Variants in ZNF143 observed in about 807,000 individuals in gnomAD.
The protein encoded by ZNF143 is zinc finger protein 143, also known as SPH-binding factor.
A neutral mutation model predicts 74.1 loss-of-function variants in ZNF143; 49 were observed. The ratio of observed to expected loss-of-function variants is 0.66; its 90% confidence interval spans 0.53 to 0.84. ZNF143 has a LOEUF of 0.84. ZNF143 is among the 40% of genes least tolerant of loss of function. The pLI is 0.00. For missense variants in ZNF143, 637 were observed against 793.4 expected (o/e 0.80, Z 2.37); for synonymous variants, 304 against 282.8 (o/e 1.07, Z -0.75).
intron 12 of ZNF143, 29 bp from the exon 13 acceptor site, chr11:9,512,419 C>G: frequency 6.3e-7 from 1 of 1,592,812 alleles, no homozygotes; most frequent in Non-Finnish European, 8.6e-7. Context: ...GTTGGTTGGT[C>G]AAATAAATGA....
At chr11:9,514,935 C>T (rs1051089854) in intron 13 of ZNF143, among the ~76,000 whole-genome samples, 1 of 152,142 alleles carries the variant, frequency 6.6e-6, no homozygotes, top group Non-Finnish European at 1.5e-5. Context: ...TTGAGACCAG[C>T]CTGACCAACA....
At position 9,500,119 on chromosome 11, in the gene ZNF143, A is replaced by T. The variant is rs1022584723; in HGVS notation, c.968-972A>T. ...CCACTACACCCAGCTAATTTTTTGA[A>T]TTTTTTTTGTAGAGACGGGGTTTCG... On this transcript the variant is annotated intron_variant, in intron 10 of 15. Coordinates refer to ENST00000396602, the MANE Select transcript of ZNF143 (RefSeq NM_003442.6). Among the ~76,000 whole-genome samples, 6 of 151,336 alleles carry T rather than the reference A, an allele frequency of 4.0e-5. No individual in the cohort carries two copies. In the East Asian group the frequency reaches 1.2e-3, roughly 30 times the overall value.
In ZNF143 at chr11:9,471,170, T is replaced by A. The variant is rs1856543755; in HGVS notation, c.-7-132T>A. 6 of 690,280 alleles carry A rather than the reference T, an allele frequency of 8.7e-6. 1 individual carries two copies. The highest frequency in any genetic ancestry group is 4.7e-6 in the Non-Finnish European group (2 of 427,276). The allele number at this position is 690,280 out of a possible 1,614,324, so 42.8% of individuals were successfully genotyped here. A position where few individuals can be genotyped will look rare whatever the true frequency, so the allele number is the denominator to read the frequency against. On this transcript the variant is annotated intron_variant, in intron 1 of 15. Coordinates refer to ENST00000396602, the MANE Select transcript of ZNF143 (RefSeq NM_003442.6). ...TGGGCTAATACTCTTACCCTACATA[T>A]TGAGTGAAATTTCATCTTATTTCCA...
Position 9,472,828 on chromosome 11 carries a change from G to A in ZNF143, c.205+59G>A, listed in dbSNP as rs76985741. On this transcript the variant is annotated intron_variant, in intron 3 of 15. Transcript: ENST00000396602. ...CCAGTGATTTATAACCTGTGAGTTG[G>A]AGCACCTAGAAGCTATACCACCTTT... 2.7e-4 allele frequency: 364 copies of A among 1,324,872 alleles called. 3 individuals are homozygous for A. In the African/African-American group the frequency reaches 5.2e-3, roughly 19 times the overall value. 82.1% of individuals were successfully genotyped at this position (1,324,872 alleles called of 1,614,324 possible).
chr11:9,524,521 A>C (rs970375409), intron 14 of ZNF143, among the ~76,000 whole-genome samples: 6 of 152,244 alleles, frequency 3.9e-5, no homozygotes, highest in African/African-American at 1.2e-4. Flanking sequence ...ATAGCCAAGT[A>C]AAACAGCAGT....
chr11:9,489,735 T>C (rs1050441849), intron 7 of ZNF143, among the ~76,000 whole-genome samples: 2 of 152,216 alleles, frequency 1.3e-5, no homozygotes, highest in Admixed American at 6.5e-5. Flanking sequence ...AGCACTTTCA[T>C]TTCATAGTGC....
In ZNF143 at chr11:9,527,397, A is replaced by G. The variant is rs183332929; in HGVS notation, c.1834-133A>G. The G allele has an allele frequency of 2.4e-5, 17 of 723,034 alleles. No homozygotes were observed. The East Asian group carries it at 4.4e-4, about 19-fold the overall frequency. 44.8% of individuals were successfully genotyped at this position (723,034 alleles called of 1,614,324 possible). A position where few individuals can be genotyped will look rare whatever the true frequency, so the allele number is the denominator to read the frequency against. The stretch of plus-strand genomic sequence containing the variant: ...TTGTTCTCTTAATGTTTGAGTTAGC[A>G]GTAGTATTTTAACAATCCCAAGTGT... On this transcript the variant is annotated intron_variant, in intron 15 of 15. Coordinates refer to ENST00000396602, the MANE Select transcript of ZNF143 (RefSeq NM_003442.6).
At chr11:9,517,787 C>T (rs959347691) in intron 14 of ZNF143, among the ~76,000 whole-genome samples, 1 of 152,066 alleles carries the variant, frequency 6.6e-6, no homozygotes, top group African/African-American at 2.4e-5. Flanking sequence ...ATCATAAAGC[C>T]TCTAGAAGAC....
intron 5 of ZNF143, among the ~76,000 whole-genome samples, chr11:9,476,248 C>T (rs934037947): frequency 1.5e-4 from 23 of 152,000 alleles, no homozygotes; most frequent in African/African-American, 4.3e-4. Flanking sequence ...CCATATCATA[C>T]GTAGGGTTGT....
rs1383000530 is a variant in ZNF143 at position 9,482,039 on chromosome 11, T to C, written c.645+2493T>C. On this transcript the variant is annotated intron_variant, in intron 7 of 15. Transcript: ENST00000396602. ...AGGCTGGAGTGCAGTGGCTCGATCT[T>C]GGCTCACTGCAAGCTCTGCCTCCCG... Among the ~76,000 whole-genome samples the C allele has an allele frequency of 8.9e-4, 118 of 132,094 alleles. No homozygotes were observed. The Middle Eastern group carries it at 0.013, about 15-fold the overall frequency. 86.7% of individuals were successfully genotyped at this position (132,094 alleles called of 152,430 possible).
intron 10 of ZNF143, among the ~76,000 whole-genome samples, chr11:9,499,021 G>A (rs1051444247): frequency 1.3e-5 from 2 of 151,892 alleles, no homozygotes; most frequent in African/African-American, 4.8e-5. Context: ...ACTTGAATTT[G>A]GAAATAAAAC....
chr11:9,520,402 G>A (rs183834771), intron 14 of ZNF143, among the ~76,000 whole-genome samples: 55 of 150,466 alleles, frequency 3.7e-4, no homozygotes, highest in Admixed American at 1.1e-3. Flanking sequence ...TGAAGCTGAA[G>A]TGGGAGGATC....
chr11:9,478,062 G>A (rs986441298), intron 5 of ZNF143, among the ~76,000 whole-genome samples: 2 of 152,170 alleles, frequency 1.3e-5, no homozygotes, highest in Non-Finnish European at 2.9e-5. Context: ...TCCTGACCTC[G>A]TGATCCGCCC....
chr11:9,518,710 T>G (rs893653765), intron 14 of ZNF143, among the ~76,000 whole-genome samples: 55 of 143,608 alleles, frequency 3.8e-4, no homozygotes, highest in Non-Finnish European at 7.4e-4. Flanking sequence ...AGAGTGAGAC[T>G]CCGTCTTAAA....
chr11:9,467,125 C>G (rs920331459), intron 1 of ZNF143, among the ~76,000 whole-genome samples: 7 of 151,962 alleles, frequency 4.6e-5, no homozygotes, highest in African/African-American at 1.7e-4. Context: ...ATCTCCTGAC[C>G]TCGTGATCCA....
At position 9,503,728 on chromosome 11, in the gene ZNF143, C is replaced by T. The variant is rs142322459; in HGVS notation, c.1147+2458C>T. Among the ~76,000 whole-genome samples the T allele has an allele frequency of 4.6e-4, 70 of 151,650 alleles. 2 individuals carry two copies. The East Asian group carries it at 0.013, about 28-fold the overall frequency. On this transcript the variant is annotated intron_variant, in intron 11 of 15. Coordinates refer to ENST00000396602, the MANE Select transcript of ZNF143 (RefSeq NM_003442.6). ...TGTGATCTCAGCTCACTGCAGCCTCCGCCTGCCGGGTTCAAGCGATTGATT... is the reference window on the plus strand; with the variant it reads ...TGTGATCTCAGCTCACTGCAGCCTCTGCCTGCCGGGTTCAAGCGATTGATT...
chr11:9,495,016 A>T (rs114417202), intron 8 of ZNF143, among the ~76,000 whole-genome samples: 1 of 152,302 alleles, frequency 6.6e-6, no homozygotes, highest in African/African-American at 2.4e-5. Flanking sequence ...GGCACATGGT[A>T]GGTACTCTAC....
chr11:9,462,159 C>T (rs978066437), intron 1 of ZNF143: 7 of 151,836 alleles, frequency 4.6e-5, no homozygotes, highest in African/African-American at 7.3e-5. Context: ...TAATTTTGTC[C>T]TGGCGTATTT....
intron 7 of ZNF143, among the ~76,000 whole-genome samples, chr11:9,483,404 TCTC>T (rs1847329391): frequency 7.0e-6 from 1 of 143,426 alleles, no homozygotes; most frequent in South Asian, 2.2e-4. Context: ...TTCAAGCAGT[TCTC>T]CTGCTCAGCC....
Sources: gnomAD v4.1 joint callset for allele counts (sites outside exome capture counted in the v4.1 genomes callset) on GRCh38, gnomAD v4.1.1 for gene constraint, MANE v1.5 for transcripts, NCBI Gene and HGNC (gene_info 2026-07-23, HGNC 2026-07-21) for gene names.